Variants in GABRB1 observed in about 807,000 individuals in gnomAD.
GABRB1 encodes the protein gamma-aminobutyric acid type A receptor subunit beta1, also known as gamma-aminobutyric acid receptor subunit beta-1.
A neutral mutation model predicts 51.6 loss-of-function variants in GABRB1; 17 were observed. That is an observed-to-expected ratio of 0.33 (90% CI 0.23 to 0.49). GABRB1 has a LOEUF of 0.49. GABRB1 is among the 20% of genes least tolerant of loss of function. The pLI, the probability that GABRB1 is intolerant of heterozygous loss-of-function variation, is 0.99. For missense variants in GABRB1, 410 were observed against 600.6 expected (o/e 0.68, Z 3.32); for synonymous variants, 247 against 218.9 (o/e 1.13, Z -1.14).
At chr4:47,154,577 G>A (rs905143562) in intron 3 of GABRB1, among the ~76,000 whole-genome samples, 2 of 151,910 alleles carry the variant, frequency 1.3e-5, no homozygotes, top group Non-Finnish European at 2.9e-5. Flanking sequence ...TGCAATTATT[G>A]GTAATGAGAT....
intron 5 of GABRB1, among the ~76,000 whole-genome samples, chr4:47,359,835 G>A (rs1044704201): frequency 6.6e-6 from 1 of 152,026 alleles, no homozygotes; most frequent in Non-Finnish European, 1.5e-5. Context: ...GTAATTTGTG[G>A]TCAAAAGACT....
intron 3 of GABRB1, among the ~76,000 whole-genome samples, chr4:47,077,870 T>C (rs1051458286): frequency 7.1e-6 from 1 of 140,898 alleles, no homozygotes; most frequent in Non-Finnish European, 1.5e-5. Flanking sequence ...ATTTTATATA[T>C]ATTATATGTA....
chr4:47,047,722 G>A (rs916113881), intron 3 of GABRB1, among the ~76,000 whole-genome samples: 5 of 152,130 alleles, frequency 3.3e-5, no homozygotes, highest in Non-Finnish European at 7.4e-5. Flanking sequence ...TTTGATTAAT[G>A]TCTTCAGATT....
intron 3 of GABRB1, among the ~76,000 whole-genome samples, chr4:47,051,536 T>G (rs1284678479): frequency 6.6e-6 from 1 of 152,206 alleles, no homozygotes; most frequent in Non-Finnish European, 1.5e-5. Flanking sequence ...CATCATTGCT[T>G]CTCCACTTCC....
intron 4 of GABRB1, among the ~76,000 whole-genome samples, chr4:47,204,215 C>T (rs951480451): frequency 3.9e-5 from 6 of 152,146 alleles, no homozygotes; most frequent in African/African-American, 1.4e-4. Context: ...ATGCATGGTG[C>T]ATGTGTGCTC....
At chr4:46,997,317 G>C (rs1194276777) in intron 1 of GABRB1, among the ~76,000 whole-genome samples, 1 of 151,664 alleles carries the variant, frequency 6.6e-6, no homozygotes, top group African/African-American at 2.4e-5. Context: ...TGAGGATCGA[G>C]TACCTAAAAT....
At position 47,146,424 on chromosome 4, in the gene GABRB1, C is replaced by T. The variant is rs117404909; in HGVS notation, c.241-14825C>T. Among the ~76,000 whole-genome samples, 35 of 151,710 alleles carry T rather than the reference C, an allele frequency of 2.3e-4. No homozygotes were observed. The Middle Eastern group carries it at 0.01, about 44-fold the overall frequency. On this transcript the variant is annotated intron_variant, in intron 3 of 8. Coordinates refer to ENST00000295454, the MANE Select transcript of GABRB1 (RefSeq NM_000812.4). ...TTTGTTGCAGTAGAAAGAAAGTATA[C>T]GAGGAAATTGATAAAATATGAAATG...
rs560991571 is a variant in GABRB1 at position 47,076,778 on chromosome 4, A to G, written c.240+44294A>G. On this transcript the variant is annotated intron_variant, in intron 3 of 8. Transcript: ENST00000295454. ...TTCTCTCCCAGAGACAACATACTTG[A>G]TTAGCCATTTTCCCCAACAGATCTC... 1.5e-3 allele frequency among the ~76,000 whole-genome samples: 225 copies of G among 152,266 alleles called. 3 individuals are homozygous for G. Among genetic ancestry groups the G allele is most frequent in the African/African-American group, 5.3e-3 (219 of 41,556 alleles).
At chr4:47,068,988 CT>C (rs1727201146) in intron 3 of GABRB1, among the ~76,000 whole-genome samples, 1 of 152,184 alleles carries the variant, frequency 6.6e-6, no homozygotes, top group African/African-American at 2.4e-5. Context: ...CCAAGTTTGC[CT>C]TTTTATCACT....
chr4:47,306,591 A>C (rs1724480930), intron 4 of GABRB1, among the ~76,000 whole-genome samples: 1 of 152,112 alleles, frequency 6.6e-6, no homozygotes. Flanking sequence ...CTCCCCAGAG[A>C]TAACCACTAT....
intron 3 of GABRB1, among the ~76,000 whole-genome samples, chr4:47,128,543 A>T (rs1320767400): frequency 1.3e-5 from 2 of 151,926 alleles, no homozygotes; most frequent in African/African-American, 4.8e-5. Flanking sequence ...AGACACAAAG[A>T]CTCTATATGT....
chr4:47,228,159 C>T (rs961134126), intron 4 of GABRB1, among the ~76,000 whole-genome samples: 4 of 152,062 alleles, frequency 2.6e-5, no homozygotes, highest in Non-Finnish European at 4.4e-5. Context: ...TCTCAGCAGC[C>T]GTTGGAATCA....
At chr4:47,286,286 T>C (rs145420938) in intron 4 of GABRB1, among the ~76,000 whole-genome samples, 145 of 152,356 alleles carry the variant, frequency 9.5e-4, no homozygotes, top group African/African-American at 3.3e-3. Flanking sequence ...TTTGAGTAGG[T>C]TGAAGTGCAT....
chr4:47,348,475 T>C (rs957037223), intron 5 of GABRB1, among the ~76,000 whole-genome samples: 1 of 152,164 alleles, frequency 6.6e-6, no homozygotes, highest in Non-Finnish European at 1.5e-5. Context: ...TAAAATTACC[T>C]CCAGCATGTA....
intron 4 of GABRB1, among the ~76,000 whole-genome samples, chr4:47,254,732 C>A (rs184492646): frequency 6.6e-6 from 1 of 152,168 alleles, no homozygotes; most frequent in African/African-American, 2.4e-5. Flanking sequence ...ATTACTTTAC[C>A]AATAGCTATA....
chr4:47,373,854 A>T (rs1727292772), intron 5 of GABRB1, among the ~76,000 whole-genome samples: 1 of 152,224 alleles, frequency 6.6e-6, no homozygotes, highest in Admixed American at 6.5e-5. Flanking sequence ...TCAGCTCAGG[A>T]TGAACAAGGG....
rs1206009073 is a variant in GABRB1 at position 47,426,282 on chromosome 4, CAA to C, written c.*266_*267del. On this transcript the variant is annotated 3_prime_UTR_variant, in exon 9 of 9. Transcript: ENST00000295454. ...TAATTGCCATGTTTACAAACAAACA[CAA>C]AGAGAGAAGTTAGACAGGTAGATCT... The C allele has an allele frequency of 6.7e-6, 2 of 297,378 alleles. No homozygotes were observed. Among genetic ancestry groups the C allele is most frequent in the Non-Finnish European group, 1.2e-5 (2 of 162,628 alleles). 18.4% of individuals were successfully genotyped at this position (297,378 alleles called of 1,614,324 possible).
intron 5 of GABRB1, among the ~76,000 whole-genome samples, chr4:47,349,277 G>A (rs1257877895): frequency 6.6e-6 from 1 of 152,080 alleles, no homozygotes; most frequent in Non-Finnish European, 1.5e-5. Context: ...GGGAGGTCTG[G>A]GGAATTTCAG....
At chr4:47,182,190 C>T (rs563420007) in intron 4 of GABRB1, among the ~76,000 whole-genome samples, 3 of 151,998 alleles carry the variant, frequency 2.0e-5, no homozygotes, top group African/African-American at 7.2e-5. Context: ...AGCATGAGAG[C>T]CATTTCCTGG....
Sources: gnomAD v4.1 joint callset for allele counts (sites outside exome capture counted in the v4.1 genomes callset) on GRCh38, gnomAD v4.1.1 for gene constraint, MANE v1.5 for transcripts, NCBI Gene and HGNC (gene_info 2026-07-23, HGNC 2026-07-21) for gene names.